ARHGEF10: variants seen among roughly 807,000 people sequenced by gnomAD.
ARHGEF10 encodes Rho guanine nucleotide exchange factor (GEF) 10.
Under a neutral mutation model 147.4 loss-of-function variants are expected in ARHGEF10, and 140 were observed. The observed-to-expected ratio is 0.95, with a 90% CI of 0.83 to 1.09. ARHGEF10 has a LOEUF of 1.09. Ranked by LOEUF, ARHGEF10 falls within the 50% of genes least tolerant of loss-of-function variation. The pLI is 0.00. For synonymous variants in ARHGEF10, 902 were observed against 695.8 expected (o/e 1.30, Z -4.67); for missense variants, 2,222 against 1,752.7 (o/e 1.27, Z -4.78).
intron 27 of ARHGEF10, among the ~76,000 whole-genome samples, chr8:1,949,154 C>T (rs887615762): frequency 6.6e-6 from 1 of 152,156 alleles, no homozygotes; most frequent in Non-Finnish European, 1.5e-5. Flanking sequence ...AAAAAACAAA[C>T]TGTATTATAA....
At chr8:1,844,111 T>C (rs6989094) in intron 2 of ARHGEF10, among the ~76,000 whole-genome samples, 104,394 of 151,834 alleles carry the variant, frequency 0.69, 36,136 homozygotes, top group Non-Finnish European at 0.71. Flanking sequence ...ATGTTGCACA[T>C]GGGCCTGGTG....
chr8:1,919,402 ATGATGGAGCTGTTCCTTGGG>A (rs1812034554), intron 18 of ARHGEF10, among the ~76,000 whole-genome samples: 1 of 84,154 alleles, frequency 1.2e-5, no homozygotes, highest in African/African-American at 5.2e-5. Flanking sequence ...TGTTCCATGG[ATGATGGAGCTGTTCCTTGGG>A]TGATGGAGCT....
Position 1,909,089 on chromosome 8 carries a change from A to ACTCT in ARHGEF10, c.1968-200_1968-197dup, listed in dbSNP as rs1365141849. On this transcript the variant is annotated intron_variant, in intron 17 of 28. Transcript: ENST00000349830. ...CGTCCCCTGTGCGGCTCTTCCCTGC[A>ACTCT]CTCTCTCTCATCCAGTTCGAGGCCT... Among the ~76,000 whole-genome samples, 5 of 152,218 alleles carry ACTCT rather than the reference A, an allele frequency of 3.3e-5. No homozygotes were observed. The South Asian group carries it at 1.0e-3, about 32-fold the overall frequency.
chr8:1,949,462 G>A (rs889190260), intron 27 of ARHGEF10, among the ~76,000 whole-genome samples: 2 of 152,170 alleles, frequency 1.3e-5, no homozygotes, highest in Admixed American at 1.3e-4. Flanking sequence ...AGTTCACGGC[G>A]CCTCAGCTTT....
chr8:1,838,448 G>A (rs973212092), intron 1 of ARHGEF10, among the ~76,000 whole-genome samples: 1 of 152,262 alleles, frequency 6.6e-6, no homozygotes, highest in African/African-American at 2.4e-5. Context: ...CACCCGCCCA[G>A]CCTGGGGAGA....
At chr8:1,833,009 G>C (rs1401414414) in intron 1 of ARHGEF10, among the ~76,000 whole-genome samples, 1 of 120,238 alleles carries the variant, frequency 8.3e-6, no homozygotes. Context: ...GACAGGCAGA[G>C]AGAGACAGAG....
intron 4 of ARHGEF10, 83 bp downstream of exon 4, chr8:1,860,267 T>G: frequency 1.3e-6 from 2 of 1,491,228 alleles, no homozygotes; most frequent in East Asian, 2.3e-5. Context: ...TGTGGTTCCC[T>G]CCTCTGCATG....
intron 21 of ARHGEF10, 78 bp from the exon 22 acceptor site, chr8:1,925,205 C>T: frequency 3.1e-6 from 5 of 1,589,578 alleles, no homozygotes; most frequent in Non-Finnish European, 3.4e-6. Flanking sequence ...ACTTCCCCTG[C>T]TATGACCTGT....
chr8:1,868,184 A>T (rs1806779573), intron 6 of ARHGEF10, among the ~76,000 whole-genome samples: 1 of 152,198 alleles, frequency 6.6e-6, no homozygotes, highest in Non-Finnish European at 1.5e-5. Flanking sequence ...CGTCTGTAAT[A>T]CTGGAGCTTG....
intron 7 of ARHGEF10, among the ~76,000 whole-genome samples, chr8:1,872,414 A>G (rs1018903346): frequency 2.0e-5 from 3 of 152,220 alleles, no homozygotes; most frequent in African/African-American, 7.2e-5. Flanking sequence ...GAATTAGTTT[A>G]TAATGTTAGC....
At chr8:1,926,798 C>G (rs1287794574) in intron 23 of ARHGEF10, 1 of 356,786 alleles carries the variant, frequency 2.8e-6, no homozygotes, top group Non-Finnish European at 5.3e-6. Context: ...TTTTCTTGTT[C>G]CAAGACTGGC....
intron 1 of ARHGEF10, among the ~76,000 whole-genome samples, chr8:1,835,869 G>C (rs928629839): frequency 6.6e-6 from 1 of 152,170 alleles, no homozygotes; most frequent in African/African-American, 2.4e-5. Flanking sequence ...CTGACTGAAT[G>C]CATCATCTTT....
intron 2 of ARHGEF10, among the ~76,000 whole-genome samples, chr8:1,854,580 G>A (rs772782547): frequency 6.6e-6 from 1 of 152,188 alleles, no homozygotes; most frequent in Non-Finnish European, 1.5e-5. Context: ...ACAGCAGAGA[G>A]CTCTTGAATT....
chr8:1,875,552 C>G (rs150203805), intron 7 of ARHGEF10, among the ~76,000 whole-genome samples: 1 of 152,204 alleles, frequency 6.6e-6, no homozygotes, highest in Admixed American at 6.5e-5. Flanking sequence ...CCGTGGCACA[C>G]AGAACACACT....
intron 11 of ARHGEF10, among the ~76,000 whole-genome samples, chr8:1,888,305 G>A (rs1168464730): frequency 2.1e-5 from 2 of 94,200 alleles, no homozygotes; most frequent in African/African-American, 8.6e-5. Context: ...GTGAGGGTTT[G>A]TGAGGATATG....
At chr8:1,945,709 G>T in intron 27 of ARHGEF10, 54 bp downstream of exon 27, 1 of 1,610,084 alleles carries the variant, frequency 6.2e-7, no homozygotes. Flanking sequence ...GACGGACGTG[G>T]GGGGTGCGGA....
chr8:1,823,999 C>CGCGGGGTACGCGGGGGACGGCGGGGAACG lies in ARHGEF10; in HGVS notation c.-156_-155insTACGCGGGGGACGGCGGGGAACGGCGGGG, dbSNP rs1802574542. 2.5e-5 allele frequency: 2 copies of CGCGGGGTACGCGGGGGACGGCGGGGAACG among 79,360 alleles called. No homozygotes were observed. Among genetic ancestry groups the CGCGGGGTACGCGGGGGACGGCGGGGAACG allele is most frequent in the Non-Finnish European group, 4.7e-5 (2 of 42,644 alleles). The allele number at this position is 79,360 out of a possible 1,614,324, so 4.9% of individuals were successfully genotyped here. A position where few individuals can be genotyped will look rare whatever the true frequency, so the allele number is the denominator to read the frequency against. ...ACGGGGTCGCGGGGGACGCGGGGGA[C>CGCGGGGTACGCGGGGGACGGCGGGGAACG]GCGGGGGACGGCGGGGAACGGCGGG... On this transcript the variant is annotated 5_prime_UTR_variant, in exon 1 of 29. Coordinates refer to ENST00000349830, the MANE Select transcript of ARHGEF10 (RefSeq NM_014629.4).
rs905409302 is a variant in ARHGEF10, at chr8:1,841,611, C to T, written c.-47-1742C>T. 4.0e-5 allele frequency among the ~76,000 whole-genome samples: 6 copies of T among 151,820 alleles called. 1 individual carries two copies. Among genetic ancestry groups the T allele is most frequent in the African/African-American group, 1.5e-4 (6 of 41,344 alleles). ...TGGGGGCAGGGAGTAGGGAGCAGGGCGTGGTTGTGGCTCGTCTGCTCATCT... is the reference window on the plus strand; with the variant it reads ...TGGGGGCAGGGAGTAGGGAGCAGGGTGTGGTTGTGGCTCGTCTGCTCATCT... On this transcript the variant is annotated intron_variant, in intron 1 of 28. Coordinates refer to ENST00000349830, the MANE Select transcript of ARHGEF10 (RefSeq NM_014629.4).
Position 1,928,410 on chromosome 8 carries a change from C to T in ARHGEF10, c.2698-17C>T. On this transcript the variant is annotated splice_polypyrimidine_tract_variant and intron_variant, in intron 23 of 28. Transcript: ENST00000349830. ...CACATGGTCGTTTTCTTCTTTCCTC[C>T]TAATTCTCTGATTCAGATCGGAAGT... is the stretch of plus-strand genomic sequence containing the variant. 1.2e-6 allele frequency: 2 copies of T among 1,612,176 alleles called. No individual in the cohort carries two copies. Among genetic ancestry groups the T allele is most frequent in the Non-Finnish European group, 1.7e-6 (2 of 1,178,304 alleles).
Sources: gnomAD v4.1 joint callset for allele counts (sites outside exome capture counted in the v4.1 genomes callset) on GRCh38, gnomAD v4.1.1 for gene constraint, MANE v1.5 for transcripts, NCBI Gene and HGNC (gene_info 2026-07-23, HGNC 2026-07-21) for gene names.